FGF13: variants seen among roughly 807,000 people sequenced by gnomAD.
FGF13 encodes the protein fibroblast growth factor 13.
A neutral mutation model predicts 19.5 loss-of-function variants in FGF13; 2 were observed. The observed-to-expected ratio is 0.10, with a 90% confidence interval of 0.04 to 0.32. The LOEUF (loss-of-function observed/expected upper bound fraction) is 0.32. Ranked by LOEUF, FGF13 falls within the 10% of genes least tolerant of loss-of-function variation. FGF13 has a pLI of 1.00. For missense variants in FGF13, 113 were observed against 192.7 expected, an observed-to-expected ratio of 0.59 and a Z score of 2.45; for synonymous variants, 72 against 76.9, an observed-to-expected ratio of 0.94 and a Z score of 0.33.
intron 3 of FGF13, among the ~76,000 whole-genome samples, chrX:138,749,059 A>C (rs1474713314): frequency 1.8e-5 from 2 of 111,182 alleles, no homozygotes; most frequent in Non-Finnish European, 3.8e-5. Flanking sequence ...TTCAGTGTTT[A>C]CTGGAAGAGA....
intron 1 of FGF13, among the ~76,000 whole-genome samples, chrX:138,925,043 T>G (rs1226071662): frequency 9.0e-6 from 1 of 111,407 alleles, no homozygotes; most frequent in East Asian, 2.8e-4. Flanking sequence ...GTGATAAGCT[T>G]GCTTTGAGAC....
intron 3 of FGF13, among the ~76,000 whole-genome samples, chrX:138,844,180 G>A (rs1298300872): frequency 8.9e-6 from 1 of 112,044 alleles, no homozygotes; most frequent in Non-Finnish European, 1.9e-5. Context: ...TATTAATGTG[G>A]CTTCAAAGTT....
chrX:138,636,567 A>G (rs147393412), intron 3 of FGF13, among the ~76,000 whole-genome samples: 45 of 112,491 alleles, frequency 4.0e-4, no homozygotes, highest in African/African-American at 1.5e-3. Flanking sequence ...ATAATTTCTA[A>G]GCTAAATGAA....
chrX:138,746,199 A>G (rs889177859), intron 3 of FGF13, among the ~76,000 whole-genome samples: 1 of 111,050 alleles, frequency 9.0e-6, no homozygotes, highest in Non-Finnish European at 1.9e-5. Flanking sequence ...ATTTATCTCA[A>G]TGGTGACTAG....
At chrX:138,693,270 G>T (rs1400338915) in intron 3 of FGF13, among the ~76,000 whole-genome samples, 1 of 111,563 alleles carries the variant, frequency 9.0e-6, no homozygotes, top group Non-Finnish European at 1.9e-5. Flanking sequence ...CTTGTGTTTG[G>T]AAGTAAAATC....
chrX:138,906,437 G>A (rs2091558891), intron 1 of FGF13, among the ~76,000 whole-genome samples: 1 of 111,631 alleles, frequency 9.0e-6, no homozygotes, highest in African/African-American at 3.3e-5. Context: ...TCATGTGCTG[G>A]GCATAGTTCT....
At chrX:139,002,649 G>T (rs1457127252) in intron 1 of FGF13, among the ~76,000 whole-genome samples, 1 of 111,129 alleles carries the variant, frequency 9.0e-6, no homozygotes, top group Non-Finnish European at 1.9e-5. Flanking sequence ...AGAGGGGAGA[G>T]TAAAGACATC....
At chrX:138,964,344 G>T (rs2091886728) in intron 1 of FGF13, among the ~76,000 whole-genome samples, 1 of 111,720 alleles carries the variant, frequency 9.0e-6, no homozygotes, top group Non-Finnish European at 1.9e-5. Flanking sequence ...ATTTTTCTAT[G>T]TCCTGCAAGC....
At chrX:139,153,502 C>T (rs1245131976) in intron 1 of FGF13, among the ~76,000 whole-genome samples, 1 of 111,333 alleles carries the variant, frequency 9.0e-6, no homozygotes, top group Non-Finnish European at 1.9e-5. Flanking sequence ...TCTTCTAGGA[C>T]TTTCCTCCTC....
At chrX:139,027,810 G>T (rs2092206449) in intron 1 of FGF13, among the ~76,000 whole-genome samples, 1 of 111,266 alleles carries the variant, frequency 9.0e-6, no homozygotes, top group Non-Finnish European at 1.9e-5. Flanking sequence ...AAAAATGAAA[G>T]GAAATTTCTA....
At chrX:139,017,160 GT>G (rs1013805977) in intron 1 of FGF13, among the ~76,000 whole-genome samples, 10 of 108,537 alleles carry the variant, frequency 9.2e-5, no homozygotes, top group African/African-American at 3.4e-4. Context: ...GGCCAGGATG[GT>G]TTGTGTGGAG....
chrX:138,791,717 G>C (rs1336202957), intron 3 of FGF13, among the ~76,000 whole-genome samples: 2 of 111,861 alleles, frequency 1.8e-5, no homozygotes, highest in African/African-American at 6.5e-5. Context: ...AGCTGGTTTT[G>C]TCACCCTAAT....
intron 1 of FGF13, among the ~76,000 whole-genome samples, chrX:139,126,994 T>C (rs1194263200): frequency 1.8e-5 from 2 of 111,555 alleles, no homozygotes; most frequent in Non-Finnish European, 3.8e-5. Flanking sequence ...ACTACTTCAC[T>C]CACCATCTAC....
chrX:138,765,360 G>A, intron 3 of FGF13, among the ~76,000 whole-genome samples: 1 of 111,318 alleles, frequency 9.0e-6, no homozygotes, highest in East Asian at 2.8e-4. Context: ...GACACATACT[G>A]CCTTTCTTCA....
chrX:139,055,355 C>G (rs956160042), intron 1 of FGF13, among the ~76,000 whole-genome samples: 5 of 111,960 alleles, frequency 4.5e-5, no homozygotes, highest in Non-Finnish European at 7.5e-5. Flanking sequence ...ACTGGTCAAG[C>G]CAGGTTTTAT....
intron 3 of FGF13, among the ~76,000 whole-genome samples, chrX:138,838,616 C>A (rs1048772273): frequency 1.8e-5 from 2 of 111,852 alleles, no homozygotes; most frequent in Non-Finnish European, 3.8e-5. Context: ...TCGTTAGTCC[C>A]AATGCGAGTA....
chrX:139,112,622 C>T (rs1226478507), intron 1 of FGF13, among the ~76,000 whole-genome samples: 1 of 111,807 alleles, frequency 8.9e-6, no homozygotes, highest in Non-Finnish European at 1.9e-5. Flanking sequence ...CCAAGCTCTA[C>T]AACTTACTAG....
chrX:138,768,557 G>A (rs994981534), intron 3 of FGF13, among the ~76,000 whole-genome samples: 7 of 108,569 alleles, frequency 6.4e-5, no homozygotes, highest in Admixed American at 3.0e-4. Flanking sequence ...TATATTTTAC[G>A]ACAAAATTAA....
At chrX:139,107,371 A>G (rs893245988) in intron 1 of FGF13, among the ~76,000 whole-genome samples, 8 of 112,170 alleles carry the variant, frequency 7.1e-5, no homozygotes, top group South Asian at 3.8e-4. Context: ...AGCCCAGGCA[A>G]CAAAATGAAG....
Sources: allele counts gnomAD v4.1 joint callset (sites outside exome capture counted in the v4.1 genomes callset), GRCh38; gene constraint gnomAD v4.1.1; transcripts MANE v1.5; gene names NCBI Gene and HGNC (gene_info 2026-07-23, HGNC 2026-07-21).